The following FNTB variants were observed in gnomAD, a reference collection of about 807,000 sequenced individuals.
FNTB encodes farnesyltransferase, CAAX box, subunit beta, also known as protein farnesyltransferase subunit beta.
A neutral mutation model predicts 59.4 loss-of-function variants in FNTB; 27 were observed. The ratio of observed to expected loss-of-function variants is 0.45; its 90% confidence interval spans 0.34 to 0.63. The LOEUF is 0.63. Among genes scored for constraint, FNTB ranks in the 20% least tolerant of loss-of-function variants. The pLI is 0.02. For synonymous variants in FNTB, 230 were observed against 220.7 expected (o/e 1.04, Z -0.37); for missense variants, 449 against 559.6 (o/e 0.80, Z 1.99).
chr14:65,026,640 A>G (rs2061986763), intron 4 of FNTB, among the ~76,000 whole-genome samples: 1 of 152,092 alleles, frequency 6.6e-6, no homozygotes, highest in Non-Finnish European at 1.5e-5. Context: ...CGGGTGGATC[A>G]CTTGAGGTCA....
At chr14:65,016,143 C>T (rs1396530642) in intron 4 of FNTB, among the ~76,000 whole-genome samples, 2 of 152,184 alleles carry the variant, frequency 1.3e-5, no homozygotes, top group African/African-American at 2.4e-5. Flanking sequence ...TCCCCGCTCC[C>T]GGTGCTTGGA....
intron 2 of FNTB, chr14:65,006,055 T>G: frequency 3.6e-6 from 5 of 1,372,892 alleles, no homozygotes; most frequent in East Asian, 2.3e-5. Context: ...CTTGACTTCT[T>G]GAGATCTTCT....
chr14:65,049,410 G>T (rs958051334), intron 9 of FNTB, among the ~76,000 whole-genome samples: 1 of 152,066 alleles, frequency 6.6e-6, no homozygotes, highest in Non-Finnish European at 1.5e-5. Context: ...GATTAGAATG[G>T]CGACCTATAA....
At chr14:65,041,386 A>G (rs1021194095) in intron 8 of FNTB, among the ~76,000 whole-genome samples, 3 of 152,164 alleles carry the variant, frequency 2.0e-5, no homozygotes, top group Non-Finnish European at 4.4e-5. Flanking sequence ...CCCAACATTT[A>G]TGTCTGGACC....
At chr14:65,015,519 T>C (rs903725647) in intron 3 of FNTB, 106 bp from the exon 4 acceptor site, 2 of 971,372 alleles carry the variant, frequency 2.1e-6, no homozygotes, top group Non-Finnish European at 2.9e-6. Context: ...AAGGGTGCCC[T>C]CCTCCCCCTT....
Position 65,029,071 on chromosome 14 carries a change from C to T in FNTB, c.605+1290C>T, listed in dbSNP as rs908136906. Among the ~76,000 whole-genome samples the T allele has an allele frequency of 1.4e-4, 22 of 152,122 alleles. No individual in the cohort carries two copies. Among genetic ancestry groups the T allele is most frequent in the African/African-American group, 4.8e-4 (20 of 41,424 alleles). ...TCTAGATAAATGCTAGGAAACTTCTCCAGTAAGGCAGCTTGGTTCCCCTGC... is the reference window on the plus strand; with the variant it reads ...TCTAGATAAATGCTAGGAAACTTCTTCAGTAAGGCAGCTTGGTTCCCCTGC... On this transcript the variant is annotated intron_variant, in intron 6 of 11. Coordinates refer to ENST00000246166, the MANE Select transcript of FNTB (RefSeq NM_002028.4). The surrounding 1 kb of genome is among the most constrained non-coding windows in gnomAD (Gnocchi z 4.7).
chr14:65,044,404 G>A lies in FNTB; in HGVS notation c.916G>A (p.Gly306Arg). The stretch of plus-strand genomic sequence containing the variant: ...TGGCTGCTACTCCTTCTGGCAGGCG[G>A]GGCTCCTGCCCCTGCTCCACCGCGC... Reference protein sequence around the residue: ...VDGCYSFWQAGLLPLLHRALH... With the variant: ...VDGCYSFWQARLLPLLHRALH... The change falls in exon 9 of 12, where the codon GGG becomes AGG. Residue 306 changes from glycine (G) to arginine (R), a missense_variant. By Grantham distance (125) the Gly-to-Arg change is moderately radical. Coordinates refer to ENST00000246166, the MANE Select transcript of FNTB (RefSeq NM_002028.4). The surrounding 1 kb of genome is among the most constrained non-coding windows in gnomAD (Gnocchi z 5.5). 1 of 1,613,164 alleles carries A rather than the reference G, an allele frequency of 6.2e-7. No individual in the cohort carries two copies. The highest frequency in any genetic ancestry group is 8.5e-7 in the Non-Finnish European group (1 of 1,179,686).
chr14:65,051,851 G>A (rs1384355200), intron 9 of FNTB, among the ~76,000 whole-genome samples: 16 of 149,778 alleles, frequency 1.1e-4, no homozygotes, highest in Non-Finnish European at 1.6e-4. Context: ...CTGGAGTGCA[G>A]TGGTGTGATC....
rs768678097 is a variant in FNTB at position 65,062,533 on chromosome 14, A to C, written c.*1221A>C. ...GTGGGCTGCGGGCAGACAGGAGCTC[A>C]GAGATGCAGCATGAGGCGCTTAGAA... On this transcript the variant is annotated 3_prime_UTR_variant, in exon 12 of 12. Coordinates refer to ENST00000246166, the MANE Select transcript of FNTB (RefSeq NM_002028.4). The surrounding 1 kb of genome is among the most constrained non-coding windows in gnomAD (Gnocchi z 4.3). 1 of 152,710 alleles carries C rather than the reference A, an allele frequency of 6.5e-6. No homozygotes were observed. Among genetic ancestry groups the C allele is most frequent in the Non-Finnish European group, 1.5e-5 (1 of 68,066 alleles). The allele number at this position is 152,710 out of a possible 1,614,324, so 9.5% of individuals were successfully genotyped here. A position where few individuals can be genotyped will look rare whatever the true frequency, so the allele number is the denominator to read the frequency against.
intron 7 of FNTB, among the ~76,000 whole-genome samples, chr14:65,034,735 G>A (rs982215174): frequency 3.3e-5 from 5 of 152,160 alleles, no homozygotes; most frequent in Non-Finnish European, 7.3e-5. Context: ...GGTAAGTATG[G>A]AATTATAATG....
rs1314701417 is a variant in FNTB, at chr14:64,997,969, A to G, written c.145-6280A>G. Reference sequence around the variant, plus strand: ...AGTAATCCTTATGCCAAAGAAGCCTATCGTGGGAAGACATATTCTGGTCTC... The same window carrying G: ...AGTAATCCTTATGCCAAAGAAGCCTGTCGTGGGAAGACATATTCTGGTCTC... On this transcript the variant is annotated intron_variant, in intron 1 of 11. Transcript: ENST00000246166. This position sits in a 1 kb window ranked among gnomAD's most constrained non-coding sequence, Gnocchi z 4.5. Among the ~76,000 whole-genome samples the G allele has an allele frequency of 6.6e-6, 1 of 152,234 alleles. No individual in the cohort carries two copies. Among genetic ancestry groups the G allele is most frequent in the Non-Finnish European group, 1.5e-5 (1 of 68,054 alleles).
In FNTB at chr14:65,012,552, C is replaced by T. The variant is rs1327258030; in HGVS notation, c.282+163C>T. On this transcript the variant is annotated intron_variant, in intron 3 of 11. Transcript: ENST00000246166. This position sits in a 1 kb window ranked among gnomAD's most constrained non-coding sequence, Gnocchi z 5.0. ...AGGGTGCTGTCACAGAGCTGGGACT[C>T]AGCCCTGAAAGGGCAGAACCTAGTC... Among the ~76,000 whole-genome samples the T allele has an allele frequency of 6.6e-6, 1 of 152,178 alleles. No homozygotes were observed. The highest frequency in any genetic ancestry group is 1.5e-5 in the Non-Finnish European group (1 of 68,020).
intron 11 of FNTB, among the ~76,000 whole-genome samples, chr14:65,060,084 C>T (rs866409960): frequency 6.6e-6 from 1 of 151,648 alleles, no homozygotes; most frequent in Admixed American, 6.6e-5. Context: ...CCATCCACCT[C>T]GGCCTCCCAA....
rs1328698330 is a variant in FNTB at position 65,047,173 on chromosome 14, C to G, written c.955+2730C>G. ...ACTGGTAGCGGAGTCTTCCCAAGCCCTCACTGTATGCCAGGGGCTGTACTG... is the reference window on the plus strand; with the variant it reads ...ACTGGTAGCGGAGTCTTCCCAAGCCGTCACTGTATGCCAGGGGCTGTACTG... On this transcript the variant is annotated intron_variant, in intron 9 of 11. Transcript: ENST00000246166. This position sits in a 1 kb window ranked among gnomAD's most constrained non-coding sequence, Gnocchi z 5.2. 6.6e-6 allele frequency among the ~76,000 whole-genome samples: 1 copy of G among 152,224 alleles called. No homozygotes were observed. Among genetic ancestry groups the G allele is most frequent in the East Asian group, 1.9e-4 (1 of 5,200 alleles).
rs150505277 is a variant in FNTB, at chr14:65,013,737, A to G, written c.282+1348A>G. 9.2e-3 allele frequency among the ~76,000 whole-genome samples: 1,400 copies of G among 152,226 alleles called. 21 individuals carry two copies. The highest frequency in any genetic ancestry group is 0.031 in the African/African-American group (1,297 of 41,534). On this transcript the variant is annotated intron_variant, in intron 3 of 11. Coordinates refer to ENST00000246166, the MANE Select transcript of FNTB (RefSeq NM_002028.4). ...TAATTTTTGTATTTTTAGTAGAGAC[A>G]GGGTTTCACCATATTGGCCAGGCTG...
rs147516307 is a variant in FNTB at position 64,991,553 on chromosome 14, G to A, written c.144+4456G>A. 0.061 allele frequency among the ~76,000 whole-genome samples: 9,255 copies of A among 152,166 alleles called. 444 individuals carry two copies. The highest frequency in any genetic ancestry group is 0.13 in the Admixed American group (1,909 of 15,270). ...TGGGAGGCGGAGGTTGCAGTGAGCCGAGATTGCACCATTGCACTCAAGCCT... is the reference window on the plus strand; with the variant it reads ...TGGGAGGCGGAGGTTGCAGTGAGCCAAGATTGCACCATTGCACTCAAGCCT... On this transcript the variant is annotated intron_variant, in intron 1 of 11. Transcript: ENST00000246166. This position sits in a 1 kb window ranked among gnomAD's most constrained non-coding sequence, Gnocchi z 4.4.
rs992136838 is a variant in FNTB at position 65,015,656 on chromosome 14, A to G, written c.314A>G (p.Tyr105Cys). ...GATGCCAGCCGCCCATGGCTCTGCT[A>G]TTGGATCCTGCACAGCTTGGAACTG... is the stretch of plus-strand genomic sequence containing the variant. Reference protein sequence around the residue: ...CLDASRPWLCYWILHSLELLD... With the variant: ...CLDASRPWLCCWILHSLELLD... The change falls in exon 4 of 12, where the codon TAT (tyrosine) becomes TGT (cysteine). Residue 105 changes from tyrosine to cysteine, a missense_variant. By Grantham distance (194) the Tyr-to-Cys change is radical (BLOSUM62 -2). This residue lies in a region of FNTB where 337 missense variants were observed against 479.1 expected (regional missense o/e 0.70). Coordinates refer to ENST00000246166, the MANE Select transcript of FNTB (RefSeq NM_002028.4). The G allele has an allele frequency of 3.1e-6, 5 of 1,613,938 alleles. No individual in the cohort carries two copies. The highest frequency in any genetic ancestry group is 1.3e-5 in the African/African-American group (1 of 74,894).
rs1388875697 is a variant in FNTB at position 65,060,612 on chromosome 14, C to T, written c.1183-569C>T. On this transcript the variant is annotated intron_variant, in intron 11 of 11. Transcript: ENST00000246166. ...TTGGGAGGCTGAGGCAGGAGAATGG[C>T]GTGAACCCGGGAGGCGGAGCTTGCA... 3.3e-5 allele frequency among the ~76,000 whole-genome samples: 4 copies of T among 122,992 alleles called. 1 individual carries two copies. Among genetic ancestry groups the T allele is most frequent in the Admixed American group, 1.5e-4 (2 of 13,546 alleles). 80.7% of individuals were successfully genotyped at this position (122,992 alleles called of 152,430 possible).
chr14:65,033,800 T>C (rs1433580649), intron 7 of FNTB, among the ~76,000 whole-genome samples: 1 of 152,072 alleles, frequency 6.6e-6, no homozygotes, highest in African/African-American at 2.4e-5. Context: ...GAGCTTGCAG[T>C]GAGCCGAGAT....
Sources: gnomAD v4.1 joint callset for allele counts (sites outside exome capture counted in the v4.1 genomes callset) on GRCh38, gnomAD v4.1.1 for gene constraint, gnomAD v4.1.1 regional missense constraint, Gnocchi (gnomAD v3.1) non-coding constraint, MANE v1.5 for transcripts, NCBI Gene and HGNC (gene_info 2026-07-23, HGNC 2026-07-21) for gene names.